Variants in CNGB1 observed in about 807,000 individuals in gnomAD.
The protein encoded by CNGB1 is cyclic nucleotide-gated channel beta-1.
In CNGB1, 126 loss-of-function variants were observed where a neutral mutation model predicts 151.7. The ratio of observed to expected loss-of-function variants is 0.83; its 90% CI spans 0.72 to 0.96. CNGB1 has a LOEUF of 0.96. Among genes scored for constraint, CNGB1 ranks in the 40% least tolerant of loss-of-function variants. The probability of loss-of-function intolerance (pLI) is 0.00; values close to 1 mark genes in which losing one functional copy is unlikely to be tolerated. For missense variants in CNGB1, 1,698 were observed against 1,627.0 expected (o/e 1.04, Z -0.75); for synonymous variants, 623 against 635.1 (o/e 0.98, Z 0.29).
chr16:57,899,837 C>G (rs1268217096), intron 29 of CNGB1, among the ~76,000 whole-genome samples: 2 of 152,132 alleles, frequency 1.3e-5, no homozygotes, highest in Non-Finnish European at 2.9e-5. Context: ...TGAAGGGACC[C>G]TCACCTCAGT....
At position 57,887,792 on chromosome 16, in the gene CNGB1, C is replaced by T. The variant is rs934642131; in HGVS notation, c.3462+63G>A. 24 of 1,495,508 alleles carry T rather than the reference C, an allele frequency of 1.6e-5. No individual in the cohort carries two copies. The Admixed American group carries it at 3.8e-4, about 24-fold the overall frequency. The allele number at this position is 1,495,508 out of a possible 1,614,324, so 92.6% of individuals were successfully genotyped here. On this transcript the variant is annotated intron_variant, in intron 32 of 32. Coordinates refer to ENST00000251102, the MANE Select transcript of CNGB1 (RefSeq NM_001297.5). ...AATGTGTGGCCCACTCTTGGAGACC[C>T]CTTGGCCTTCTCCCTGACACATATT...
chr16:57,959,496 G>A (rs1962181749), intron 10 of CNGB1, among the ~76,000 whole-genome samples: 3 of 152,166 alleles, frequency 2.0e-5, no homozygotes, highest in Admixed American at 6.5e-5. Flanking sequence ...CAGCTACTCA[G>A]GAGGCTGAGG....
intron 25 of CNGB1, among the ~76,000 whole-genome samples, chr16:57,910,079 A>G (rs1188632364): frequency 6.6e-6 from 1 of 152,200 alleles, no homozygotes; most frequent in Non-Finnish European, 1.5e-5. Context: ...GCCCCCAACC[A>G]TCGGAACGGA....
At position 57,964,220 on chromosome 16, in the gene CNGB1, A is replaced by C; in HGVS notation, c.218-18T>G. 84 of 1,611,184 alleles carry C rather than the reference A, an allele frequency of 5.2e-5. No individual in the cohort carries two copies. Among genetic ancestry groups the C allele is most frequent in the Non-Finnish European group, 6.7e-5 (79 of 1,177,398 alleles). ...CTTGGTCTCTGGAAAAGAATCTCTC[A>C]TCCTTCAGATCTAGGGCCTCAGACA... On this transcript the variant is annotated intron_variant, in intron 3 of 32. Transcript: ENST00000251102.
chr16:57,899,429 C>T (rs1960325178), intron 29 of CNGB1, among the ~76,000 whole-genome samples: 1 of 152,174 alleles, frequency 6.6e-6, no homozygotes, highest in South Asian at 2.1e-4. Context: ...CACCTGAGGT[C>T]AGGAGTTCGA....
At chr16:57,929,857 TA>T (rs1272971426) in intron 17 of CNGB1, among the ~76,000 whole-genome samples, 1 of 152,116 alleles carries the variant, frequency 6.6e-6, no homozygotes, top group Admixed American at 6.6e-5. Flanking sequence ...CCAAACCATA[TA>T]ATCAGAGAAA....
At chr16:57,901,264 G>T (rs562179765) in intron 29 of CNGB1, 88 bp downstream of exon 29, 2 of 1,260,860 alleles carry the variant, frequency 1.6e-6, no homozygotes, top group Non-Finnish European at 1.2e-6. Flanking sequence ...CTCTGCCCTG[G>T]GCTGGCAGGC....
At chr16:57,970,437 C>T (rs139785481) in intron 1 of CNGB1, among the ~76,000 whole-genome samples, 5 of 152,322 alleles carry the variant, frequency 3.3e-5, no homozygotes, top group African/African-American at 4.8e-5. Context: ...TCAACAGAAT[C>T]GCCTGAAGCA....
chr16:57,965,451 C>T (rs1189132232), intron 2 of CNGB1, among the ~76,000 whole-genome samples: 1 of 152,198 alleles, frequency 6.6e-6, no homozygotes, highest in African/African-American at 2.4e-5. Flanking sequence ...TGCATAGGTA[C>T]ATTGCAGATG....
chr16:57,941,453 G>A (rs767233127), intron 14 of CNGB1, among the ~76,000 whole-genome samples: 1 of 152,192 alleles, frequency 6.6e-6, no homozygotes, highest in Non-Finnish European at 1.5e-5. Context: ...GGAGCCAGCC[G>A]CTTGGCAGCA....
intron 32 of CNGB1, among the ~76,000 whole-genome samples, chr16:57,885,933 G>C (rs1459491214): frequency 6.6e-6 from 1 of 152,194 alleles, no homozygotes; most frequent in Non-Finnish European, 1.5e-5. Flanking sequence ...AGGGCAGGAT[G>C]CTTAGATGGT....
In CNGB1 at chr16:57,939,442, C is replaced by G. The variant is rs1425817832; in HGVS notation, c.1360G>C (p.Ala454Pro). ...KEEPEAEAEA[A>P]SSGVPATKQH... ...CCACCACACCTACCTCCTGAACTGG[C>G]AGCCTCGGCCTCAGCCTCAGGCTCC... The change falls in exon 16 of 33, where the codon GCC (alanine) becomes CCC (proline). Residue 454 changes from alanine (A) to proline (P), a missense_variant. Coordinates refer to ENST00000251102, the MANE Select transcript of CNGB1 (RefSeq NM_001297.5). 1.2e-6 allele frequency: 2 copies of G among 1,614,152 alleles called. No individual in the cohort carries two copies. Among genetic ancestry groups the G allele is most frequent in the Admixed American group, 3.3e-5 (2 of 60,018 alleles).
intron 12 of CNGB1, 92 bp from the exon 13 acceptor site, chr16:57,950,632 T>TGTCG (rs1961925422): frequency 8.0e-7 from 1 of 1,256,624 alleles, no homozygotes; most frequent in South Asian, 1.3e-5. Flanking sequence ...GAGCCCTGGC[T>TGTCG]GTCGCCAGCA....
At chr16:57,960,707 T>G in intron 8 of CNGB1, 133 bp downstream of exon 8, 1 of 1,270,012 alleles carries the variant, frequency 7.9e-7, no homozygotes, top group Non-Finnish European at 1.1e-6. Context: ...TAGAGGACTC[T>G]CCAAAGTGGG....
chr16:57,903,830 C>T lies in CNGB1; in HGVS notation c.2786G>A (p.Gly929Asp). Residue 929 changes from glycine to aspartate, a missense_variant, in exon 27 of 33, where the codon GGC becomes GAC. By Grantham distance (94) the Gly-to-Asp change is moderately conservative. Transcript: ENST00000251102. ...GGGCGTGACCATCTTACCCAGCATG[C>T]CTTGCGAGTGCCAGGTGTACTCGTA... is the stretch of plus-strand genomic sequence containing the variant. ...TWYEYTWHSQGMLDESELMVQ... is the reference protein window; with the variant it reads ...TWYEYTWHSQDMLDESELMVQ... 6.2e-7 allele frequency: 1 copy of T among 1,614,086 alleles called. No individual in the cohort carries two copies. Among genetic ancestry groups the T allele is most frequent in the Non-Finnish European group, 8.5e-7 (1 of 1,180,028 alleles).
At chr16:57,890,812 A>G (rs1960068865) in intron 31 of CNGB1, among the ~76,000 whole-genome samples, 1 of 152,318 alleles carries the variant, frequency 6.6e-6, no homozygotes, top group East Asian at 1.9e-4. Context: ...TCCCCTGATG[A>G]GCAGAGCTCA....
intron 25 of CNGB1, among the ~76,000 whole-genome samples, chr16:57,908,467 C>T (rs983207824): frequency 3.3e-5 from 5 of 152,270 alleles, no homozygotes; most frequent in Admixed American, 1.3e-4. Flanking sequence ...AGTAACTCCC[C>T]GCTGGACCTT....
At chr16:57,885,777 T>A (rs143406638) in intron 32 of CNGB1, among the ~76,000 whole-genome samples, 41 of 152,096 alleles carry the variant, frequency 2.7e-4, no homozygotes, top group African/African-American at 9.9e-4. Context: ...GTATCTTTAG[T>A]AGAGATGGGG....
chr16:57,956,322 C>T (rs919391419), intron 12 of CNGB1, among the ~76,000 whole-genome samples: 8 of 152,178 alleles, frequency 5.3e-5, no homozygotes, highest in Admixed American at 3.3e-4. Flanking sequence ...AGGTTGGCCA[C>T]GAGCTTCCAT....
Sources: gnomAD v4.1 joint callset for allele counts (sites outside exome capture counted in the v4.1 genomes callset) on GRCh38, gnomAD v4.1.1 for gene constraint, MANE v1.5 for transcripts, NCBI Gene and HGNC (gene_info 2026-07-23, HGNC 2026-07-21) for gene names.